The following UBAP2 variants were observed in gnomAD, a reference collection of about 807,000 sequenced individuals.
UBAP2 encodes the protein ubiquitin-associated protein 2.
UBAP2 carries 75 observed loss-of-function variants against 139.6 expected under a neutral mutation model. The observed-to-expected ratio is 0.54, with a 90% confidence interval of 0.45 to 0.65. The LOEUF (loss-of-function observed/expected upper bound fraction) is 0.65. Among genes scored for constraint, UBAP2 ranks in the 30% least tolerant of loss-of-function variants. The probability of loss-of-function intolerance (pLI) is 0.00; values close to 1 mark genes in which losing one functional copy is unlikely to be tolerated. For missense variants in UBAP2, 1,368 were observed against 1,369.6 expected, an observed-to-expected ratio of 1.00 and a Z score of 0.02; for synonymous variants, 526 against 526.2, an observed-to-expected ratio of 1.00 and a Z score of 0.01.
At chr9:33,972,694 C>A (rs1290766238) in intron 7 of UBAP2, among the ~76,000 whole-genome samples, 1 of 152,154 alleles carries the variant, frequency 6.6e-6, no homozygotes, top group Non-Finnish European at 1.5e-5. Flanking sequence ...ATTTTAGTGC[C>A]TTTGAGTCTG....
At chr9:33,982,960 A>G (rs1587611116) in intron 6 of UBAP2, among the ~76,000 whole-genome samples, 1 of 151,132 alleles carries the variant, frequency 6.6e-6, no homozygotes, top group Non-Finnish European at 1.5e-5. Flanking sequence ...GCTCACAGCA[A>G]CCTCCGCCTC....
At chr9:33,975,814 A>G (rs1587596151) in intron 6 of UBAP2, among the ~76,000 whole-genome samples, 1 of 151,992 alleles carries the variant, frequency 6.6e-6, no homozygotes, top group Non-Finnish European at 1.5e-5. Context: ...AAAAAAAAAA[A>G]AAAAAGTAAA....
chr9:33,935,816 G>A (rs1238222759), intron 17 of UBAP2, 23 bp downstream of exon 17: 3 of 1,613,924 alleles, frequency 1.9e-6, no homozygotes, highest in Admixed American at 3.3e-5. Flanking sequence ...GCCATGACAA[G>A]AGTAGCTTGC....
chr9:33,968,365 A>T, intron 8 of UBAP2: 1 of 576,886 alleles, frequency 1.7e-6, no homozygotes, highest in Non-Finnish European at 3.5e-6. Flanking sequence ...GTTCAACAAT[A>T]ACATCATAAA....
intron 15 of UBAP2, among the ~76,000 whole-genome samples, chr9:33,942,365 AT>A (rs1169644018): frequency 6.6e-6 from 1 of 152,150 alleles, no homozygotes; most frequent in African/African-American, 2.4e-5. Flanking sequence ...GTTTGAGACC[AT>A]CTTTAAAAAG....
intron 6 of UBAP2, among the ~76,000 whole-genome samples, chr9:33,975,530 G>A (rs1359260883): frequency 1.3e-5 from 2 of 151,726 alleles, no homozygotes; most frequent in African/African-American, 2.4e-5. Flanking sequence ...CAGGTGCAGC[G>A]GCTCATGCCT....
At chr9:33,995,638 T>C (rs979031757) in intron 4 of UBAP2, 2 of 143,094 alleles carry the variant, frequency 1.4e-5, no homozygotes, top group African/African-American at 5.1e-5. Flanking sequence ...TATATACATA[T>C]GTATAAAAAC....
chr9:33,965,263 C>T (rs530699233), intron 8 of UBAP2, among the ~76,000 whole-genome samples: 2 of 152,084 alleles, frequency 1.3e-5, no homozygotes, highest in Non-Finnish European at 2.9e-5. Context: ...TCCATTTTTT[C>T]CCCCCATTTT....
intron 4 of UBAP2, among the ~76,000 whole-genome samples, chr9:33,991,287 C>T (rs550963708): frequency 1.4e-5 from 2 of 143,410 alleles, no homozygotes; most frequent in Non-Finnish European, 1.5e-5. Context: ...GGTGACAGAG[C>T]GAGACTCTGT....
chr9:34,034,490 A>G (rs1379499814), intron 1 of UBAP2, among the ~76,000 whole-genome samples: 1 of 152,216 alleles, frequency 6.6e-6, no homozygotes, highest in East Asian at 1.9e-4. Flanking sequence ...CCACATAAGT[A>G]TCTGGTCCAG....
At chr9:33,979,025 G>A (rs1447451846) in intron 6 of UBAP2, among the ~76,000 whole-genome samples, 2 of 152,150 alleles carry the variant, frequency 1.3e-5, no homozygotes, top group Admixed American at 6.5e-5. Context: ...ACTGCTTGGA[G>A]CCAGGAGTTC....
intron 1 of UBAP2, among the ~76,000 whole-genome samples, chr9:34,023,135 A>G (rs1587677241): frequency 6.6e-6 from 1 of 152,146 alleles, no homozygotes; most frequent in East Asian, 1.9e-4. Context: ...CTGAGGCAGA[A>G]GAATCGCTTG....
chr9:33,962,728 G>C (rs1389604249), intron 9 of UBAP2, among the ~76,000 whole-genome samples: 2 of 151,464 alleles, frequency 1.3e-5, no homozygotes, highest in East Asian at 3.9e-4. Flanking sequence ...TGTAATTGCA[G>C]CATTTCGGGA....
At position 34,038,176 on chromosome 9, in the gene UBAP2, C is replaced by T. The variant is rs536938863; in HGVS notation, c.-42+10649G>A. 3.4e-5 allele frequency among the ~76,000 whole-genome samples: 5 copies of T among 145,904 alleles called. No homozygotes were observed. In the East Asian group the frequency reaches 5.9e-4, roughly 17 times the overall value. ...AAAAAAAAAAAAAAAAAAGGTCGGGCGCGGTGGCTCCTGCCTGTAATCCCA... is the reference window on the plus strand; with the variant it reads ...AAAAAAAAAAAAAAAAAAGGTCGGGTGCGGTGGCTCCTGCCTGTAATCCCA... On this transcript the variant is annotated intron_variant, in intron 1 of 28. Transcript: ENST00000379238.
chr9:33,928,054 G>A, intron 19 of UBAP2, 62 bp from the exon 20 acceptor site: 2 of 1,512,910 alleles, frequency 1.3e-6, no homozygotes, highest in Non-Finnish European at 1.8e-6. Flanking sequence ...GCTGGGGAGA[G>A]CCTGGCCTGG....
chr9:33,973,330 T>C (rs367667110), intron 6 of UBAP2, 93 bp from the exon 7 acceptor site: 8 of 1,319,752 alleles, frequency 6.1e-6, no homozygotes, highest in East Asian at 4.6e-5. Flanking sequence ...ACCCAGACAA[T>C]ATTATCATTA....
In UBAP2 at chr9:33,924,005, G is replaced by A; in HGVS notation, c.2591-5C>T. On this transcript the variant is annotated splice_polypyrimidine_tract_variant and splice_region_variant and intron_variant, in intron 23 of 28. Transcript: ENST00000379238. ...GGCCAAACTTTGTGACATCACCTAG[G>A]AAAGAGCACTGACTCCAGCCACTGC... is the stretch of plus-strand genomic sequence containing the variant. 6.2e-7 allele frequency: 1 copy of A among 1,613,352 alleles called. No individual in the cohort carries two copies. The highest frequency in any genetic ancestry group is 8.5e-7 in the Non-Finnish European group (1 of 1,180,020).
intron 4 of UBAP2, among the ~76,000 whole-genome samples, chr9:33,991,228 G>A (rs1032829962): frequency 6.6e-6 from 1 of 152,152 alleles, no homozygotes; most frequent in Non-Finnish European, 1.5e-5. Context: ...TTGAACCTGG[G>A]AGGTGGAGGT....
chr9:33,965,698 T>A (rs1827391113), intron 8 of UBAP2, among the ~76,000 whole-genome samples: 1 of 152,242 alleles, frequency 6.6e-6, no homozygotes, highest in Non-Finnish European at 1.5e-5. Context: ...ATTTCTAAAC[T>A]ACTATGCTAT....
Sources: allele counts gnomAD v4.1 joint callset (sites outside exome capture counted in the v4.1 genomes callset), GRCh38; gene constraint gnomAD v4.1.1; transcripts MANE v1.5; gene names NCBI Gene and HGNC (gene_info 2026-07-23, HGNC 2026-07-21).